The following ZNF808 variants were observed in gnomAD, a reference collection of about 807,000 sequenced individuals.
ZNF808 encodes the protein zinc finger protein 808.
A neutral mutation model predicts 8.7 loss-of-function variants in ZNF808; 5 were observed. The ratio of observed to expected loss-of-function variants is 0.58; its 90% CI spans 0.30 to 1.21. ZNF808 has a LOEUF of 1.21. Ranked by LOEUF, ZNF808 falls within the 50% of genes most tolerant of loss-of-function variation. ZNF808 has a pLI of 0.07. For synonymous variants in ZNF808, 380 were observed against 366.0 expected (o/e 1.04, Z -0.44); for missense variants, 1,103 against 1,098.4 (o/e 1.00, Z -0.06).
At chr19:52,560,298 C>A (rs1439950482), downstream of ZNF808, among the ~76,000 whole-genome samples, 1 of 151,712 alleles carries the variant, frequency 6.6e-6, no homozygotes, top group African/African-American at 2.4e-5. Context: ...TGCACTCCTG[C>A]CTGGGTGATA....
rs1341910808 is a variant in ZNF808, at chr19:52,556,187, T to C, written c.*559T>C. On this transcript the variant is annotated 3_prime_UTR_variant, in exon 5 of 5. Transcript: ENST00000359798. Reference sequence around the variant, plus strand: ...TATGTTAAGAGGATGGGGCCAGGTGTGGTGGCTCAGGCCTGTAATCCCAGC... The same window carrying C: ...TATGTTAAGAGGATGGGGCCAGGTGCGGTGGCTCAGGCCTGTAATCCCAGC... 16 of 321,394 alleles carry C rather than the reference T, an allele frequency of 5.0e-5. No homozygotes were observed. The highest frequency in any genetic ancestry group is 2.5e-4 in the South Asian group (9 of 36,582). The allele number at this position is 321,394 out of a possible 1,614,324, so 19.9% of individuals were successfully genotyped here. A position where few individuals can be genotyped will look rare whatever the true frequency, so the allele number is the denominator to read the frequency against.
rs369655858 is a variant in ZNF808 at position 52,555,010 on chromosome 19, T to C, written c.2094T>C (p.Thr698=). ...GTCGTTCCTATGTGGCAAAACATAC[T>C]AGAATTCACAGTGGAATGAAACCTT... is the stretch of plus-strand genomic sequence containing the variant. ...FVCRSYVAKH[T]RIHSGMKPYK... Residue 698 remains threonine, a synonymous_variant, in exon 5 of 5, where the codon ACT becomes ACC. Coordinates refer to ENST00000359798, the MANE Select transcript of ZNF808 (RefSeq NM_001039886.4). 5 of 1,613,856 alleles carry C rather than the reference T, an allele frequency of 3.1e-6. No homozygotes were observed. In the African/African-American group the frequency reaches 5.3e-5, roughly 17 times the overall value.
chr19:52,563,996 AAAAC>A (rs575872465), exon 4 of ZNF808: 34 of 429,322 alleles, frequency 7.9e-5, no homozygotes, highest in Middle Eastern at 4.4e-4. Context: ...ACCTCTGTCT[AAAAC>A]AAACAAACAA....
At chr19:52,547,247 C>G (rs894515219) in intron 3 of ZNF808, among the ~76,000 whole-genome samples, 1 of 152,008 alleles carries the variant, frequency 6.6e-6, no homozygotes, top group African/African-American at 2.4e-5. Context: ...CTCACCCGGC[C>G]CTGTGTTTCC....
At position 52,554,040 on chromosome 19, in the gene ZNF808, T is replaced by A; in HGVS notation, c.1124T>A (p.Ile375Asn). The A allele has an allele frequency of 1.2e-6, 2 of 1,613,932 alleles. No individual in the cohort carries two copies. Among genetic ancestry groups the A allele is most frequent in the Non-Finnish European group, 1.7e-6 (2 of 1,179,980 alleles). Residue 375 changes from isoleucine (I) to asparagine (N), a missense_variant, in exon 5 of 5, where the codon ATT (isoleucine) becomes AAT (asparagine). Physicochemically the swap from Ile to Asn is moderately radical, Grantham distance 149. Transcript: ENST00000359798. ...HTGVKPYKCK[I>N]CEKAFACHSY... ...GGAGTGAAACCTTACAAATGTAAGATTTGTGAGAAGGCTTTTGCGTGTCAT... is the reference window on the plus strand; with the variant it reads ...GGAGTGAAACCTTACAAATGTAAGAATTGTGAGAAGGCTTTTGCGTGTCAT...
At chr19:52,547,739 GTTTTTTTT>G in intron 4 of ZNF808, 101 bp downstream of exon 4, 1 of 1,011,546 alleles carries the variant, frequency 9.9e-7, no homozygotes. Flanking sequence ...ATCCATGCTG[GTTTTTTTT>G]TTTTTTTTTT....
intron 4 of ZNF808, among the ~76,000 whole-genome samples, chr19:52,552,833 G>A (rs1471193562): frequency 2.0e-5 from 3 of 151,800 alleles, no homozygotes; most frequent in African/African-American, 4.8e-5. Context: ...CAAGGTCACA[G>A]TGGAAAAATA....
intron 1 of ZNF808, among the ~76,000 whole-genome samples, chr19:52,530,762 C>T (rs1385280993): frequency 6.6e-6 from 1 of 152,078 alleles, no homozygotes; most frequent in African/African-American, 2.4e-5. Context: ...CACTGAAGGC[C>T]AGGAGCTCGA....
chr19:52,566,145 T>TTA (rs149929472), downstream of ZNF808, among the ~76,000 whole-genome samples: 1,445 of 150,866 alleles, frequency 9.6e-3, 8 homozygotes, highest in East Asian at 0.019. Context: ...GTGAAAGATT[T>TTA]TATATATATA....
Position 52,564,025 on chromosome 19 carries a change from C to T in ZNF808, c.*1130C>T, listed in dbSNP as rs556356458. The T allele has an allele frequency of 1.1e-3, 492 of 442,346 alleles. 1 individual carries two copies. Among genetic ancestry groups the T allele is most frequent in the Non-Finnish European group, 1.6e-3 (412 of 253,100 alleles). 27.4% of individuals were successfully genotyped at this position (442,346 alleles called of 1,614,324 possible). ...CAAACAAACAAAAAGGTCTAGCCCC[C>T]TCTCCTCCTTTGTCTGCCATCATGG... On this transcript the variant is annotated 3_prime_UTR_variant and NMD_transcript_variant, in exon 4 of 4. Transcript: ENST00000487863.
chr19:52,554,340 G>T lies in ZNF808; in HGVS notation c.1424G>T (p.Arg475Ile). 1 of 1,614,010 alleles carries T rather than the reference G, an allele frequency of 6.2e-7. No individual in the cohort carries two copies. Among genetic ancestry groups the T allele is most frequent in the Non-Finnish European group, 8.5e-7 (1 of 1,179,992 alleles). The change falls in exon 5 of 5, where the codon AGA (arginine) becomes ATA (isoleucine). Residue 475 changes from arginine to isoleucine, a missense_variant. Transcript: ENST00000359798. ...AATTCACAGCTGGCACGACATAGAA[G>T]AATTCACACTGGAGAGAAAACTTAC... Reference protein sequence around the residue: ...TCNSQLARHRRIHTGEKTYKC... With the variant: ...TCNSQLARHRIIHTGEKTYKC...
chr19:52,567,480 GTATTTTT>G (rs1437756302), downstream of ZNF808, among the ~76,000 whole-genome samples: 7 of 105,602 alleles, frequency 6.6e-5, no homozygotes, highest in African/African-American at 2.2e-4. Context: ...TTGTCCAGCT[GTATTTTT>G]TATTATTATT....
intron 1 of ZNF808, 171 bp downstream of exon 1, chr19:52,527,882 AGTC>A (rs2059523779): frequency 6.6e-6 from 1 of 152,520 alleles, no homozygotes; most frequent in African/African-American, 2.4e-5. Flanking sequence ...TCGGGTTTAA[AGTC>A]GTCTGGAGGC....
rs2059806083 is a variant in ZNF808, at chr19:52,554,014, T to G, written c.1098T>G (p.Thr366=). The G allele has an allele frequency of 1.9e-6, 3 of 1,614,158 alleles. No individual in the cohort carries two copies. Among genetic ancestry groups the G allele is most frequent in the Middle Eastern group, 3.3e-4 (2 of 6,062 alleles). ...TTTCACGCCATCAAAGACTTCATAC[T>G]GGAGTGAAACCTTACAAATGTAAGA... ...SHLSRHQRLH[T]GVKPYKCKIC... The change falls in exon 5 of 5, where the codon ACT becomes ACG. Residue 366 remains threonine, a synonymous_variant. Transcript: ENST00000359798.
At chr19:52,566,672 ACT>A (rs2059873728), downstream of ZNF808, among the ~76,000 whole-genome samples, 1 of 152,054 alleles carries the variant, frequency 6.6e-6, no homozygotes. Flanking sequence ...TGTGCTTAGG[ACT>A]CTGGTGCATA....
downstream of ZNF808, among the ~76,000 whole-genome samples, chr19:52,567,486 TTTATTATTATTATTA>T (rs199989177): frequency 1.6e-3 from 60 of 37,184 alleles, no homozygotes; most frequent in Non-Finnish European, 2.8e-3. Flanking sequence ...AGCTGTATTT[TTTATTATTATTATTA>T]TTATTATTAT....
At chr19:52,560,500 A>AT (rs1207254415), downstream of ZNF808, among the ~76,000 whole-genome samples, 4 of 151,418 alleles carry the variant, frequency 2.6e-5, no homozygotes, top group African/African-American at 4.9e-5. Context: ...GACTTTACTC[A>AT]TTTTTTTTGT....
rs745799407 is a variant in ZNF808, at chr19:52,529,907, ATATATT to A, written c.-122+2198_-122+2203del. ...AGCTAGTTTACATATATATATATAT[ATATATT>A]TTTTTTTTTTGTAGAAACGTGGTTT... On this transcript the variant is annotated intron_variant, in intron 1 of 4. Transcript: ENST00000359798. Among the ~76,000 whole-genome samples the A allele has an allele frequency of 2.1e-3, 264 of 126,980 alleles. 1 individual carries two copies. The highest frequency in any genetic ancestry group is 6.1e-3 in the African/African-American group (200 of 32,654). The allele number at this position is 126,980 out of a possible 152,430, so 83.3% of individuals were successfully genotyped here. A position where few individuals can be genotyped will look rare whatever the true frequency, so the allele number is the denominator to read the frequency against.
In ZNF808 at chr19:52,555,703, A is replaced by T; in HGVS notation, c.*75A>T. ...ATTGGAGAATCCATGATGAAGAGAA[A>T]TCTTCTGAGTGTAATAAATGTGGCA... On this transcript the variant is annotated 3_prime_UTR_variant, in exon 5 of 5. Coordinates refer to ENST00000359798, the MANE Select transcript of ZNF808 (RefSeq NM_001039886.4). 1 of 1,544,112 alleles carries T rather than the reference A, an allele frequency of 6.5e-7. No homozygotes were observed. Among genetic ancestry groups the T allele is most frequent in the Non-Finnish European group, 8.8e-7 (1 of 1,141,344 alleles).
Sources: allele counts gnomAD v4.1 joint callset (sites outside exome capture counted in the v4.1 genomes callset), GRCh38; gene constraint gnomAD v4.1.1; transcripts MANE v1.5; gene names NCBI Gene and HGNC (gene_info 2026-07-23, HGNC 2026-07-21).